Variants in EPHB1 observed in about 807,000 individuals in gnomAD.
EPHB1 encodes ephrin type-B receptor 1.
Under a neutral mutation model 94.4 loss-of-function variants are expected in EPHB1, and 30 were observed. The observed-to-expected ratio is 0.32, with a 90% CI of 0.24 to 0.43. The LOEUF (loss-of-function observed/expected upper bound fraction) is 0.43. EPHB1 is among the 20% of genes least tolerant of loss of function. The pLI, the probability that EPHB1 is intolerant of heterozygous loss-of-function variation, is 1.00. For synonymous variants in EPHB1, 522 were observed against 489.1 expected (o/e 1.07, Z -0.89); for missense variants, 1,055 against 1,308.3 (o/e 0.81, Z 2.99).
intron 5 of EPHB1, among the ~76,000 whole-genome samples, chr3:135,134,754 T>C (rs552398666): frequency 6.6e-6 from 1 of 152,348 alleles, no homozygotes; most frequent in South Asian, 2.1e-4. Context: ...GAAAACTGGC[T>C]GAAATATTTT....
At chr3:134,892,063 C>T (rs2037994736) in intron 1 of EPHB1, among the ~76,000 whole-genome samples, 1 of 152,228 alleles carries the variant, frequency 6.6e-6, no homozygotes, top group African/African-American at 2.4e-5. Context: ...TTTTGCTACT[C>T]CCATAGAAGT....
At chr3:134,877,476 C>T (rs2037640414) in intron 1 of EPHB1, among the ~76,000 whole-genome samples, 1 of 152,162 alleles carries the variant, frequency 6.6e-6, no homozygotes, top group Admixed American at 6.5e-5. Flanking sequence ...CTCAGGCCTC[C>T]ATATTCAACC....
intron 3 of EPHB1, among the ~76,000 whole-genome samples, chr3:135,060,732 C>A (rs1937476251): frequency 6.6e-6 from 1 of 152,040 alleles, no homozygotes; most frequent in Non-Finnish European, 1.5e-5. Flanking sequence ...AATAAACATA[C>A]CATGGAGAAT....
intron 3 of EPHB1, among the ~76,000 whole-genome samples, chr3:134,957,207 C>T (rs375552292): frequency 2.6e-5 from 4 of 152,128 alleles, no homozygotes; most frequent in East Asian, 1.9e-4. Context: ...TCCCCAGTTG[C>T]CTCCTTCTGA....
chr3:135,245,614 T>C (rs919341758), intron 13 of EPHB1, among the ~76,000 whole-genome samples: 2 of 151,088 alleles, frequency 1.3e-5, no homozygotes, highest in African/African-American at 4.9e-5. Flanking sequence ...GAGACCATCC[T>C]GGCCAACGTG....
At chr3:135,159,889 C>T (rs1325995181) in intron 6 of EPHB1, among the ~76,000 whole-genome samples, 1 of 152,208 alleles carries the variant, frequency 6.6e-6, no homozygotes, top group Non-Finnish European at 1.5e-5. Context: ...TCCTGAACTC[C>T]TCTAGGCCGT....
intron 2 of EPHB1, among the ~76,000 whole-genome samples, chr3:134,931,528 C>T (rs953695371): frequency 6.6e-6 from 1 of 152,234 alleles, no homozygotes; most frequent in Non-Finnish European, 1.5e-5. Context: ...GTCTCCTCCT[C>T]CTGTGCTGTC....
chr3:134,823,407 G>A (rs1285297085), intron 1 of EPHB1, among the ~76,000 whole-genome samples: 2 of 152,186 alleles, frequency 1.3e-5, no homozygotes, highest in African/African-American at 2.4e-5. Flanking sequence ...ATGTCTGCCA[G>A]GGGTTGTGCT....
intron 1 of EPHB1, among the ~76,000 whole-genome samples, chr3:134,868,642 G>A (rs1350155649): frequency 6.6e-6 from 1 of 152,160 alleles, no homozygotes; most frequent in East Asian, 1.9e-4. Context: ...GACTGACTCA[G>A]TTCAGTTCAG....
At chr3:134,876,131 A>G (rs1394177378) in intron 1 of EPHB1, among the ~76,000 whole-genome samples, 1 of 152,008 alleles carries the variant, frequency 6.6e-6, no homozygotes, top group East Asian at 1.9e-4. Flanking sequence ...CATGACTCCC[A>G]TGTCCCCTGC....
intron 12 of EPHB1, among the ~76,000 whole-genome samples, chr3:135,237,106 T>G (rs1249816716): frequency 6.6e-6 from 1 of 152,122 alleles, no homozygotes; most frequent in Non-Finnish European, 1.5e-5. Flanking sequence ...GCATAGATGC[T>G]TGCTGCAGAC....
rs184741422 is a variant in EPHB1, at chr3:135,009,881, A to G, written c.805+57829A>G. ...AAGAACTTTTTTGTGTGAAAATAGT[A>G]GACGCTATTATTTGCTTTTTAAATC... is the stretch of plus-strand genomic sequence containing the variant. On this transcript the variant is annotated intron_variant, in intron 3 of 15. Transcript: ENST00000398015. Among the ~76,000 whole-genome samples the G allele has an allele frequency of 2.2e-4, 33 of 152,356 alleles. No homozygotes were observed. The East Asian group carries it at 6.2e-3, about 28-fold the overall frequency.
chr3:134,826,250 T>TAAAAAAA (rs1560251057), intron 1 of EPHB1, among the ~76,000 whole-genome samples: 1 of 10,916 alleles, frequency 9.2e-5, no homozygotes, highest in Non-Finnish European at 2.0e-4. Context: ...AGACTCCATC[T>TAAAAAAA]CAAAAAAAAA....
intron 2 of EPHB1, among the ~76,000 whole-genome samples, chr3:134,926,216 C>CAAAGACATGAGGGAG (rs964265391): frequency 2.6e-5 from 4 of 152,208 alleles, no homozygotes; most frequent in African/African-American, 9.6e-5. Flanking sequence ...GCAGCAAAGG[C>CAAAGACATGAGGGAG]AAAGACATGA....
chr3:135,154,915 G>A (rs1423950873), intron 6 of EPHB1, among the ~76,000 whole-genome samples: 2 of 152,158 alleles, frequency 1.3e-5, no homozygotes, highest in Non-Finnish European at 2.9e-5. Flanking sequence ...TCTTACCAGG[G>A]CAAAATGCAG....
chr3:134,970,770 G>A (rs1316994926), intron 3 of EPHB1, among the ~76,000 whole-genome samples: 4 of 152,072 alleles, frequency 2.6e-5, no homozygotes, highest in African/African-American at 9.7e-5. Flanking sequence ...GATGCGAGCT[G>A]GACTCTGTCT....
intron 3 of EPHB1, among the ~76,000 whole-genome samples, chr3:135,020,341 T>C (rs886472294): frequency 3.9e-5 from 6 of 152,070 alleles, no homozygotes; most frequent in African/African-American, 1.4e-4. Context: ...ATTCATAGAG[T>C]TGTGCAACCA....
At chr3:134,832,871 C>T (rs1949305) in intron 1 of EPHB1, among the ~76,000 whole-genome samples, 24,079 of 152,186 alleles carry the variant, frequency 0.16, 2,580 homozygotes, top group African/African-American at 0.31. Flanking sequence ...AACTTTCTAA[C>T]GCTGCAATTC....
chr3:135,114,693 A>C (rs1939612029), intron 4 of EPHB1, among the ~76,000 whole-genome samples: 1 of 150,832 alleles, frequency 6.6e-6, no homozygotes, highest in South Asian at 2.1e-4. Flanking sequence ...ACTGCACTCC[A>C]GCCTGGATGA....
Sources: allele counts gnomAD v4.1 joint callset (sites outside exome capture counted in the v4.1 genomes callset), GRCh38; gene constraint gnomAD v4.1.1; transcripts MANE v1.5; gene names NCBI Gene and HGNC (gene_info 2026-07-23, HGNC 2026-07-21).